Variants in KCNH7 observed in about 807,000 individuals in gnomAD.
KCNH7 encodes potassium voltage-gated channel subfamily H member 7.
In KCNH7, 49 loss-of-function variants were observed where a neutral mutation model predicts 120.8. That is an observed-to-expected ratio of 0.41 (90% CI 0.32 to 0.51). The LOEUF (loss-of-function observed/expected upper bound fraction) is 0.51. Among genes scored for constraint, KCNH7 ranks in the 20% least tolerant of loss-of-function variants. The probability of loss-of-function intolerance (pLI) is 0.38; values close to 1 mark genes in which losing one functional copy is unlikely to be tolerated. For synonymous variants in KCNH7, 547 were observed against 516.1 expected (o/e 1.06, Z -0.81); for missense variants, 1,097 against 1,446.6 (o/e 0.76, Z 3.92).
At chr2:162,374,851 G>A (rs559527866) in intron 14 of KCNH7, among the ~76,000 whole-genome samples, 55 of 152,026 alleles carry the variant, frequency 3.6e-4, no homozygotes, top group African/African-American at 1.2e-3. Flanking sequence ...AGCTATGAAT[G>A]ATACATGACT....
chr2:162,380,443 A>G (rs1263937684), intron 13 of KCNH7, among the ~76,000 whole-genome samples: 1 of 152,116 alleles, frequency 6.6e-6, no homozygotes, highest in Non-Finnish European at 1.5e-5. Context: ...GATAACTTGC[A>G]TACGTTATGA....
intron 6 of KCNH7, among the ~76,000 whole-genome samples, chr2:162,479,597 C>A (rs1158001677): frequency 2.0e-5 from 3 of 151,242 alleles, no homozygotes; most frequent in Admixed American, 6.6e-5. Context: ...GAAAAGGAAA[C>A]AATAAATGAT....
intron 2 of KCNH7, among the ~76,000 whole-genome samples, chr2:162,745,217 T>C (rs1371401616): frequency 6.6e-6 from 1 of 152,182 alleles, no homozygotes; most frequent in Non-Finnish European, 1.5e-5. Context: ...TGGTTGACAA[T>C]CATGAAATAT....
chr2:162,645,703 T>G (rs1229446797), intron 2 of KCNH7, among the ~76,000 whole-genome samples: 1 of 152,198 alleles, frequency 6.6e-6, no homozygotes, highest in East Asian at 1.9e-4. Context: ...CAAAAGAGGA[T>G]AAGTCAATTC....
chr2:162,429,403 T>TTC (rs1289731950), intron 8 of KCNH7, among the ~76,000 whole-genome samples: 71 of 134,246 alleles, frequency 5.3e-4, no homozygotes, highest in Non-Finnish European at 8.6e-4. Context: ...TTTTTTTTTT[T>TTC]TTACTCACAC....
At chr2:162,420,633 T>C (rs1343827055) in intron 9 of KCNH7, among the ~76,000 whole-genome samples, 1 of 152,220 alleles carries the variant, frequency 6.6e-6, no homozygotes, top group Non-Finnish European at 1.5e-5. Flanking sequence ...TTTTGTGGTC[T>C]ATCAAACAAT....
At chr2:162,789,637 G>A (rs62171411) in intron 2 of KCNH7, among the ~76,000 whole-genome samples, 4,224 of 151,932 alleles carry the variant, frequency 0.028, 99 homozygotes, top group South Asian at 0.087. Context: ...ATTCAAGAAG[G>A]TTGAAATCAT....
chr2:162,461,912 C>T, intron 6 of KCNH7, among the ~76,000 whole-genome samples: 1 of 152,128 alleles, frequency 6.6e-6, no homozygotes, highest in East Asian at 1.9e-4. Flanking sequence ...GATTGCATGA[C>T]TTTCTCTATT....
chr2:162,543,277 CACAT>C (rs1487069395), intron 2 of KCNH7, among the ~76,000 whole-genome samples: 1 of 144,128 alleles, frequency 6.9e-6, no homozygotes, highest in Non-Finnish European at 1.5e-5. Flanking sequence ...CTCTCACACA[CACAT>C]ACGCACACAC....
chr2:162,504,199 G>A (rs753966611), intron 6 of KCNH7, among the ~76,000 whole-genome samples: 5 of 151,984 alleles, frequency 3.3e-5, no homozygotes, highest in African/African-American at 4.8e-5. Flanking sequence ...CCACCTCTAC[G>A]AAAGTGGGAG....
At chr2:162,529,825 T>G (rs996900577) in intron 3 of KCNH7, among the ~76,000 whole-genome samples, 38 of 151,942 alleles carry the variant, frequency 2.5e-4, no homozygotes, top group African/African-American at 9.2e-4. Context: ...TTTTTTAGAC[T>G]GCAAACTTTT....
chr2:162,549,392 A>T (rs959169698), intron 2 of KCNH7, among the ~76,000 whole-genome samples: 11 of 152,352 alleles, frequency 7.2e-5, no homozygotes, highest in African/African-American at 2.2e-4. Context: ...TCAAAACACC[A>T]ATGGTTCCTT....
intron 2 of KCNH7, among the ~76,000 whole-genome samples, chr2:162,629,968 C>T (rs1347409136): frequency 1.3e-5 from 2 of 152,052 alleles, no homozygotes; most frequent in Non-Finnish European, 2.9e-5. Context: ...ATTTTACTGA[C>T]TGAAATAAGT....
At chr2:162,573,622 G>A (rs1051625157) in intron 2 of KCNH7, among the ~76,000 whole-genome samples, 1 of 151,864 alleles carries the variant, frequency 6.6e-6, no homozygotes, top group South Asian at 2.1e-4. Context: ...CCACCAGGTA[G>A]GCAAAAGTAT....
At chr2:162,625,207 C>T (rs947440711) in intron 2 of KCNH7, among the ~76,000 whole-genome samples, 2 of 152,008 alleles carry the variant, frequency 1.3e-5, no homozygotes, top group Non-Finnish European at 2.9e-5. Context: ...AAAGTGCACT[C>T]TTAACTCTAA....
intron 6 of KCNH7, among the ~76,000 whole-genome samples, chr2:162,469,732 T>C (rs982549691): frequency 2.0e-5 from 3 of 151,182 alleles, no homozygotes; most frequent in Non-Finnish European, 2.9e-5. Flanking sequence ...CTCCTTCTCT[T>C]TCCATGGTCT....
intron 2 of KCNH7, among the ~76,000 whole-genome samples, chr2:162,693,658 C>T (rs1686191582): frequency 6.6e-6 from 1 of 152,120 alleles, no homozygotes; most frequent in African/African-American, 2.4e-5. Context: ...GAGGTTCTGG[C>T]AATATTTCTC....
At chr2:162,436,946 CA>C (rs1688260237) in intron 7 of KCNH7, among the ~76,000 whole-genome samples, 1 of 151,748 alleles carries the variant, frequency 6.6e-6, no homozygotes, top group African/African-American at 2.4e-5. Flanking sequence ...TCGGCCTATA[CA>C]AAAAATTAAA....
chr2:162,580,675 A>G (rs1326408255), intron 2 of KCNH7, among the ~76,000 whole-genome samples: 4 of 152,060 alleles, frequency 2.6e-5, no homozygotes, highest in Non-Finnish European at 5.9e-5. Flanking sequence ...TATTTGGGTT[A>G]AAAGAAAGAG....
Sources: allele counts gnomAD v4.1 joint callset (sites outside exome capture counted in the v4.1 genomes callset), GRCh38; gene constraint gnomAD v4.1.1; transcripts MANE v1.5; gene names NCBI Gene and HGNC (gene_info 2026-07-23, HGNC 2026-07-21).